The following LSM14A variants were observed in gnomAD, a reference collection of about 807,000 sequenced individuals.
The protein encoded by LSM14A is LSM14A mRNA processing body assembly factor.
LSM14A carries 14 observed loss-of-function variants against 52.4 expected under a neutral mutation model. The ratio of observed to expected loss-of-function variants is 0.27; its 90% CI spans 0.18 to 0.42. The LOEUF (loss-of-function observed/expected upper bound fraction) is 0.42. Among genes scored for constraint, LSM14A ranks in the 10% least tolerant of loss-of-function variants. The pLI is 1.00. For missense variants in LSM14A, 417 were observed against 581.8 expected (o/e 0.72, Z 2.91); for synonymous variants, 185 against 200.3 (o/e 0.92, Z 0.64).
rs1348706484 is a variant in LSM14A, at chr19:34,172,663, C to T, written c.21C>T (p.Tyr7=). The T allele has an allele frequency of 7.0e-6, 11 of 1,575,314 alleles. No individual in the cohort carries two copies. The highest frequency in any genetic ancestry group is 2.8e-5 in the African/African-American group (2 of 71,388). The change falls in exon 1 of 10, where the codon TAC becomes TAT. Residue 7 remains tyrosine (Y), a synonymous_variant. Transcript: ENST00000544216. ...GCGCCATGAGCGGGGGCACCCCTTA[C>T]ATCGGCAGCAAGATCAGCCTCATCT... MSGGTP[Y]IGSKISLISK...
chr19:34,215,820 A>G (rs1234291919), intron 6 of LSM14A, among the ~76,000 whole-genome samples, 159 bp downstream of exon 6: 3 of 152,186 alleles, frequency 2.0e-5, no homozygotes, highest in African/African-American at 7.2e-5. Context: ...ACAGTCCTTT[A>G]TCTTGATTGT....
At chr19:34,214,266 A>G (rs971910440) in intron 4 of LSM14A, among the ~76,000 whole-genome samples, 6 of 151,584 alleles carry the variant, frequency 4.0e-5, no homozygotes, top group African/African-American at 1.5e-4. Context: ...AAAGAACTTC[A>G]CCTATCTAAC....
intron 5 of LSM14A, 63 bp from the exon 6 acceptor site, chr19:34,215,533 C>A: frequency 7.4e-7 from 1 of 1,357,742 alleles, no homozygotes; most frequent in Non-Finnish European, 1.0e-6. Flanking sequence ...GCATTTCTAA[C>A]TATGGAAGTT....
At chr19:34,209,768 C>T (rs900183954) in intron 4 of LSM14A, among the ~76,000 whole-genome samples, 4 of 151,816 alleles carry the variant, frequency 2.6e-5, no homozygotes. Flanking sequence ...AACTCCTGGG[C>T]TCAAGCGATC....
chr19:34,215,334 A>G (rs997621771), intron 5 of LSM14A, 34 bp downstream of exon 5: 1 of 1,551,410 alleles, frequency 6.4e-7, no homozygotes, highest in Non-Finnish European at 8.7e-7. Context: ...TCCTTAATTG[A>G]CTGATCAATG....
chr19:34,224,918 T>A (rs1317951009), intron 9 of LSM14A, among the ~76,000 whole-genome samples: 5 of 152,194 alleles, frequency 3.3e-5, no homozygotes, highest in African/African-American at 1.2e-4. Context: ...CCCTTTCACT[T>A]ATCCTTTACA....
At chr19:34,174,712 A>G (rs181688171) in intron 1 of LSM14A, among the ~76,000 whole-genome samples, 1 of 152,340 alleles carries the variant, frequency 6.6e-6, no homozygotes, top group East Asian at 1.9e-4. Context: ...TTTTGAAATT[A>G]TGAAAAAGCC....
At chr19:34,197,296 G>A (rs1440331285) in intron 3 of LSM14A, among the ~76,000 whole-genome samples, 1 of 151,974 alleles carries the variant, frequency 6.6e-6, no homozygotes, top group African/African-American at 2.4e-5. Context: ...TCACTGTGTT[G>A]GCCAGGCAGG....
At chr19:34,210,967 C>A (rs575101132) in intron 4 of LSM14A, among the ~76,000 whole-genome samples, 106 of 152,084 alleles carry the variant, frequency 7.0e-4, no homozygotes, top group African/African-American at 2.3e-3. Context: ...TAATAAGGAA[C>A]TTAAATTAGG....
rs184668208 is a variant in LSM14A, at chr19:34,206,339, C to T, written c.416-2590C>T. 7.9e-4 allele frequency among the ~76,000 whole-genome samples: 120 copies of T among 152,020 alleles called. 1 individual carries two copies. Among genetic ancestry groups the T allele is most frequent in the Middle Eastern group, 6.8e-3 (2 of 294 alleles). On this transcript the variant is annotated intron_variant, in intron 3 of 9. Transcript: ENST00000544216. ...TGAGCCATGATTGTGCCACTGCACTCCAGCCAAGGCAACAGAGCAAAACCC... is the reference window on the plus strand; with the variant it reads ...TGAGCCATGATTGTGCCACTGCACTTCAGCCAAGGCAACAGAGCAAAACCC...
chr19:34,216,267 G>T (rs2072581338), intron 6 of LSM14A, among the ~76,000 whole-genome samples: 1 of 151,906 alleles, frequency 6.6e-6, no homozygotes, highest in Non-Finnish European at 1.5e-5. Context: ...CAAAAAATTA[G>T]CCGGGCGCAG....
chr19:34,198,600 C>G (rs2071045798), intron 3 of LSM14A, among the ~76,000 whole-genome samples: 1 of 151,986 alleles, frequency 6.6e-6, no homozygotes, highest in Non-Finnish European at 1.5e-5. Context: ...TAGGCCACAA[C>G]AGCAAAACTC....
intron 1 of LSM14A, among the ~76,000 whole-genome samples, chr19:34,192,316 G>A (rs375847702): frequency 1.5e-5 from 1 of 65,822 alleles, no homozygotes; most frequent in Non-Finnish European, 2.9e-5. Flanking sequence ...CATTCTTTTT[G>A]TTGTTTTTTT....
intron 1 of LSM14A, among the ~76,000 whole-genome samples, chr19:34,189,772 G>A (rs1018746259): frequency 1.3e-5 from 2 of 152,154 alleles, no homozygotes; most frequent in African/African-American, 4.8e-5. Flanking sequence ...TGAAATCTGT[G>A]CATCTTTGTA....
chr19:34,176,178 A>G (rs2069077767), intron 1 of LSM14A, among the ~76,000 whole-genome samples: 1 of 152,198 alleles, frequency 6.6e-6, no homozygotes. Context: ...CATGGAATTT[A>G]TAATACAGTG....
At chr19:34,202,054 TCA>T (rs1305250722) in intron 3 of LSM14A, among the ~76,000 whole-genome samples, 1 of 151,820 alleles carries the variant, frequency 6.6e-6, no homozygotes, top group Non-Finnish European at 1.5e-5. Context: ...ACTCCTGGGT[TCA>T]GTCTGCCTGC....
intron 9 of LSM14A, among the ~76,000 whole-genome samples, chr19:34,223,290 G>A (rs941351031): frequency 1.3e-5 from 2 of 152,008 alleles, no homozygotes; most frequent in Admixed American, 6.6e-5. Context: ...CTCTCACTAT[G>A]TTGTCCAGGC....
chr19:34,177,638 A>G (rs2069172253), intron 1 of LSM14A, among the ~76,000 whole-genome samples: 1 of 152,224 alleles, frequency 6.6e-6, no homozygotes, highest in Non-Finnish European at 1.5e-5. Context: ...TGTAATCCCA[A>G]CATTTCCAAA....
chr19:34,183,555 A>AAAAT lies in LSM14A; in HGVS notation c.121+10808_121+10811dup, dbSNP rs571816897. ...GACAGAGCGAGTTCGTCTCAAAAAA[A>AAAAT]AAATAAATAAATAAATAAACCCATA... On this transcript the variant is annotated intron_variant, in intron 1 of 9. Coordinates refer to ENST00000544216, the MANE Select transcript of LSM14A (RefSeq NM_015578.4). Among the ~76,000 whole-genome samples, 90 of 152,306 alleles carry AAAAT rather than the reference A, an allele frequency of 5.9e-4. 1 individual carries two copies. Among genetic ancestry groups the AAAAT allele is most frequent in the African/African-American group, 1.7e-3 (71 of 41,572 alleles).
Sources: allele counts gnomAD v4.1 joint callset (sites outside exome capture counted in the v4.1 genomes callset), GRCh38; gene constraint gnomAD v4.1.1; transcripts MANE v1.5; gene names NCBI Gene and HGNC (gene_info 2026-07-23, HGNC 2026-07-21).